ASH1L: variants seen among roughly 807,000 people sequenced by gnomAD.
ASH1L encodes ASH1 like histone lysine methyltransferase, also known as histone-lysine N-methyltransferase ASH1L.
ASH1L carries 23 observed loss-of-function variants against 269.0 expected under a neutral mutation model. That is an observed-to-expected ratio of 0.09 (90% CI 0.06 to 0.12). The LOEUF is 0.12. Ranked by LOEUF, ASH1L falls within the 10% of genes least tolerant of loss-of-function variation. ASH1L has a pLI of 1.00. For synonymous variants in ASH1L, 1,187 were observed against 1,253.5 expected (o/e 0.95, Z 1.12); for missense variants, 2,912 against 3,567.8 (o/e 0.82, Z 4.68).
intron 5 of ASH1L, chr1:155,419,270 A>G (rs1323791760): frequency 6.6e-6 from 1 of 151,902 alleles, no homozygotes; most frequent in East Asian, 1.9e-4. Context: ...TTTAGATCTC[A>G]TATCCAAAAC....
At chr1:155,436,428 G>A (rs980994039) in intron 5 of ASH1L, among the ~76,000 whole-genome samples, 3 of 151,340 alleles carry the variant, frequency 2.0e-5, no homozygotes, top group African/African-American at 7.3e-5. Context: ...TGACCCTCAG[G>A]TGATCCAGCT....
intron 5 of ASH1L, among the ~76,000 whole-genome samples, chr1:155,431,699 G>T (rs931327669): frequency 1.3e-5 from 2 of 152,134 alleles, no homozygotes; most frequent in Admixed American, 1.3e-4. Context: ...GGAGGTGGAG[G>T]TTGCAGTGAA....
At chr1:155,465,724 T>C (rs1377200055) in intron 3 of ASH1L, among the ~76,000 whole-genome samples, 1 of 152,224 alleles carries the variant, frequency 6.6e-6, no homozygotes, top group Non-Finnish European at 1.5e-5. Flanking sequence ...GGAATGTGTG[T>C]TAAACAACGA....
At chr1:155,345,571 C>CTTT (rs1179125179) in intron 21 of ASH1L, among the ~76,000 whole-genome samples, 49 of 104,908 alleles carry the variant, frequency 4.7e-4, no homozygotes, top group African/African-American at 7.1e-4. Flanking sequence ...CCATGCCCAG[C>CTTT]TTTTTTTTTT....
intron 19 of ASH1L, among the ~76,000 whole-genome samples, chr1:155,348,703 G>A (rs542988872): frequency 4.6e-5 from 7 of 152,106 alleles, no homozygotes; most frequent in African/African-American, 1.2e-4. Flanking sequence ...CCAACATGGT[G>A]AAACCCTGTC....
intron 1 of ASH1L, among the ~76,000 whole-genome samples, chr1:155,558,026 T>C (rs1189291393): frequency 1.3e-5 from 2 of 152,178 alleles, no homozygotes; most frequent in East Asian, 3.8e-4. Flanking sequence ...ATCTTACACA[T>C]AGTAAGACTT....
At chr1:155,538,662 T>TG (rs1670223851) in intron 1 of ASH1L, among the ~76,000 whole-genome samples, 1 of 146,458 alleles carries the variant, frequency 6.8e-6, no homozygotes, top group Non-Finnish European at 1.5e-5. Context: ...TTTTTTTTTT[T>TG]TAATAAAGAC....
chr1:155,350,845 C>CGG (rs1653837866), intron 17 of ASH1L, among the ~76,000 whole-genome samples: 1 of 147,796 alleles, frequency 6.8e-6, no homozygotes, highest in South Asian at 2.2e-4. Context: ...TGCTTGAAGC[C>CGG]GGGAGGCGGA....
At chr1:155,415,568 G>C (rs1660144618) in intron 6 of ASH1L, among the ~76,000 whole-genome samples, 176 bp downstream of exon 6, 1 of 152,052 alleles carries the variant, frequency 6.6e-6, no homozygotes, top group African/African-American at 2.4e-5. Flanking sequence ...CATCAGAAAG[G>C]GTAATGTATT....
intron 2 of ASH1L, among the ~76,000 whole-genome samples, chr1:155,500,625 G>C (rs1667440770): frequency 6.6e-6 from 1 of 152,126 alleles, no homozygotes; most frequent in African/African-American, 2.4e-5. Flanking sequence ...TAAGATGACA[G>C]AATGTGCCTA....
Position 155,352,978 on chromosome 1 carries a change from G to T in ASH1L, c.7214-120C>A, listed in dbSNP as rs1402122741. 3.5e-6 allele frequency: 3 copies of T among 857,892 alleles called. No individual in the cohort carries two copies. In the African/African-American group the frequency reaches 5.2e-5, roughly 15 times the overall value. The allele number at this position is 857,892 out of a possible 1,614,324, so 53.1% of individuals were successfully genotyped here. A position where few individuals can be genotyped will look rare whatever the true frequency, so the allele number is the denominator to read the frequency against. ...CCCTGAAGTGATTAGGTAGATTAGT[G>T]GGCACAGAGTTCTTTCTATCTTCTG... is the stretch of plus-strand genomic sequence containing the variant. On this transcript the variant is annotated intron_variant, in intron 16 of 27. Transcript: ENST00000392403.
chr1:155,370,598 G>C lies in ASH1L; in HGVS notation c.6592C>G (p.Leu2198Val). Reference protein sequence around the residue: ...HNHSDHYCLNLDSGMVIDSYR... With the variant: ...HNHSDHYCLNVDSGMVIDSYR... ...CTGTCAATCACCATCCCACTATCCA[G>C]GTTCAGGCAGTAGTGGTCACTGTGA... is the stretch of plus-strand genomic sequence containing the variant. The change falls in exon 12 of 28, where the codon CTG becomes GTG. Residue 2198 changes from leucine to valine, a missense_variant. By Grantham distance (32) the Leu-to-Val change is conservative. Transcript: ENST00000392403. The C allele has an allele frequency of 1.9e-6, 3 of 1,614,098 alleles. No individual in the cohort carries two copies. The highest frequency in any genetic ancestry group is 2.5e-6 in the Non-Finnish European group (3 of 1,180,010).
chr1:155,425,440 CTAT>C (rs1661068400), intron 5 of ASH1L, among the ~76,000 whole-genome samples: 1 of 141,472 alleles, frequency 7.1e-6, no homozygotes, highest in Non-Finnish European at 1.5e-5. Context: ...TCATGCAGGG[CTAT>C]TTTTTTTTTT....
At chr1:155,383,359 T>TA (rs1657149181) in intron 7 of ASH1L, among the ~76,000 whole-genome samples, 1 of 152,198 alleles carries the variant, frequency 6.6e-6, no homozygotes, top group South Asian at 2.1e-4. Flanking sequence ...GAGAGGAACT[T>TA]ACAATCCTGT....
chr1:155,359,480 T>C (rs1398114038), intron 13 of ASH1L, among the ~76,000 whole-genome samples: 1 of 152,150 alleles, frequency 6.6e-6, no homozygotes, highest in Non-Finnish European at 1.5e-5. Context: ...TTTCACTATA[T>C]TGGTCAGGCT....
In ASH1L at chr1:155,415,753, T is replaced by G; in HGVS notation, c.5999A>C (p.Lys2000Thr). The part of the protein sequence containing the change: ...QKAGLYSDVY[K>T]TTDPKSRLIQ... ...AGGTACTACTACTTACTCTGTAGTTTTGTAAACGTCAGAATACAGCCCTGC... is the reference window on the plus strand; with the variant it reads ...AGGTACTACTACTTACTCTGTAGTTGTGTAAACGTCAGAATACAGCCCTGC... Residue 2000 changes from lysine to threonine, a missense_variant, in exon 6 of 28, where the codon AAA (lysine) becomes ACA (threonine). Lys to Thr is a moderately conservative substitution (Grantham distance 78). This residue lies in a region of ASH1L where 193 missense variants were observed against 311.6 expected (regional missense o/e 0.62). Transcript: ENST00000392403. 1 of 1,614,038 alleles carries G rather than the reference T, an allele frequency of 6.2e-7. No homozygotes were observed. Among genetic ancestry groups the G allele is most frequent in the Non-Finnish European group, 8.5e-7 (1 of 1,180,004 alleles).
chr1:155,540,786 G>C (rs1160159609), intron 1 of ASH1L, among the ~76,000 whole-genome samples: 3 of 151,902 alleles, frequency 2.0e-5, no homozygotes, highest in Non-Finnish European at 4.4e-5. Flanking sequence ...ACAACAACAG[G>C]AAACAACAAA....
chr1:155,514,654 G>T (rs1245444417), intron 2 of ASH1L, among the ~76,000 whole-genome samples: 1 of 152,084 alleles, frequency 6.6e-6, no homozygotes, highest in Non-Finnish European at 1.5e-5. Context: ...CAGTGGAGAC[G>T]ATTTGCAACA....
At chr1:155,559,533 T>C (rs1424365050) in intron 1 of ASH1L, among the ~76,000 whole-genome samples, 2 of 86,558 alleles carry the variant, frequency 2.3e-5, no homozygotes, top group Non-Finnish European at 4.8e-5. Flanking sequence ...AAACTCAGTC[T>C]CAAAAAAAAA....
Sources: allele counts gnomAD v4.1 joint callset (sites outside exome capture counted in the v4.1 genomes callset), GRCh38; gene constraint gnomAD v4.1.1; regional missense constraint gnomAD v4.1.1; transcripts MANE v1.5; gene names NCBI Gene and HGNC (gene_info 2026-07-23, HGNC 2026-07-21).